The following RASGRF2 variants were observed in gnomAD, a reference collection of about 807,000 sequenced individuals.
The protein encoded by RASGRF2 is ras-specific guanine nucleotide-releasing factor 2.
In RASGRF2, 76 loss-of-function variants were observed where a neutral mutation model predicts 151.0. The ratio of observed to expected loss-of-function variants is 0.50; its 90% CI spans 0.42 to 0.61. The LOEUF (loss-of-function observed/expected upper bound fraction) is 0.61, where lower values mean the gene tolerates loss of function less well. Among genes scored for constraint, RASGRF2 ranks in the 20% least tolerant of loss-of-function variants. The pLI is 0.00. For synonymous variants in RASGRF2, 504 were observed against 566.5 expected (o/e 0.89, Z 1.57); for missense variants, 1,148 against 1,564.6 (o/e 0.73, Z 4.49).
intron 2 of RASGRF2, among the ~76,000 whole-genome samples, chr5:81,065,034 G>T (rs913392487): frequency 6.6e-6 from 1 of 152,122 alleles, no homozygotes; most frequent in Non-Finnish European, 1.5e-5. Context: ...TTCTACAGCA[G>T]CAAGGAAATG....
At chr5:81,213,934 G>T (rs1024239581) in intron 23 of RASGRF2, among the ~76,000 whole-genome samples, 1 of 152,174 alleles carries the variant, frequency 6.6e-6, no homozygotes, top group African/African-American at 2.4e-5. Context: ...ATAACGCGGG[G>T]ATTCCCTGCA....
intron 1 of RASGRF2, chr5:80,998,176 A>G (rs941785260): frequency 1.3e-5 from 2 of 152,238 alleles, no homozygotes; most frequent in Admixed American, 1.3e-4. Flanking sequence ...GGGTGTTCAC[A>G]TGTTGTGTGC....
intron 18 of RASGRF2, 114 bp from the exon 19 acceptor site, chr5:81,201,216 C>A (rs554465117): frequency 1.4e-6 from 2 of 1,445,926 alleles, no homozygotes; most frequent in East Asian, 2.4e-5. Context: ...AGGGTCCATA[C>A]ATTTTAATTT....
chr5:81,137,035 C>G (rs1753771251), intron 17 of RASGRF2, among the ~76,000 whole-genome samples: 1 of 152,008 alleles, frequency 6.6e-6, no homozygotes, highest in African/African-American at 2.4e-5. Flanking sequence ...CATTAGAACC[C>G]TTAACATATT....
intron 13 of RASGRF2, among the ~76,000 whole-genome samples, chr5:81,110,747 A>G (rs138206701): frequency 0.017 from 2,611 of 152,328 alleles, 35 homozygotes; most frequent in Non-Finnish European, 0.025. Flanking sequence ...CATCTTCTGG[A>G]CAGGGTGATG....
At chr5:81,156,301 T>A (rs1358681934) in intron 17 of RASGRF2, among the ~76,000 whole-genome samples, 1 of 152,206 alleles carries the variant, frequency 6.6e-6, no homozygotes. Context: ...ATAATGCTGA[T>A]CCTTCACAAA....
intron 25 of RASGRF2, among the ~76,000 whole-genome samples, chr5:81,218,354 T>A (rs1205701902): frequency 1.3e-5 from 2 of 152,228 alleles, no homozygotes; most frequent in Non-Finnish European, 2.9e-5. Flanking sequence ...GTCTTTAATC[T>A]ATCTTGAGTT....
intron 17 of RASGRF2, among the ~76,000 whole-genome samples, chr5:81,145,807 G>A (rs35064391): frequency 0.25 from 37,988 of 152,134 alleles, 5,350 homozygotes; most frequent in Middle Eastern, 0.36. Flanking sequence ...CTAAGCCTCC[G>A]AATTCTTGTC....
chr5:81,150,878 G>A (rs1440189031), intron 17 of RASGRF2, among the ~76,000 whole-genome samples: 1 of 152,148 alleles, frequency 6.6e-6, no homozygotes, highest in East Asian at 1.9e-4. Context: ...TGTGTATAAT[G>A]ACAGATCACT....
chr5:81,066,781 T>A (rs1385396137), intron 2 of RASGRF2, among the ~76,000 whole-genome samples: 1 of 152,228 alleles, frequency 6.6e-6, no homozygotes, highest in East Asian at 1.9e-4. Flanking sequence ...GAATCCCAGA[T>A]TCCAAGGGGA....
In RASGRF2 at chr5:81,035,541, A is replaced by G. The variant is rs572835143; in HGVS notation, c.289-7336A>G. 2.0e-5 allele frequency among the ~76,000 whole-genome samples: 3 copies of G among 152,128 alleles called. No homozygotes were observed. The East Asian group carries it at 5.8e-4, about 29-fold the overall frequency. On this transcript the variant is annotated intron_variant, in intron 1 of 26. Coordinates refer to ENST00000265080, the MANE Select transcript of RASGRF2 (RefSeq NM_006909.3). The stretch of plus-strand genomic sequence containing the variant: ...ACAAGTTAATGGGTGCAGCACACCA[A>G]CATGGCACATGTATACATATGTAAC...
intron 1 of RASGRF2, among the ~76,000 whole-genome samples, chr5:81,016,117 TG>T (rs978107718): frequency 3.9e-5 from 6 of 152,166 alleles, no homozygotes; most frequent in African/African-American, 1.4e-4. Context: ...ATGAGAGAGC[TG>T]GGAGTGGGGT....
At chr5:81,206,822 G>A (rs1004927427) in intron 19 of RASGRF2, 23 bp from the exon 20 acceptor site, 11 of 1,590,946 alleles carry the variant, frequency 6.9e-6, no homozygotes, top group Non-Finnish European at 6.9e-6. Context: ...CTTTCATGGA[G>A]GATAATTTGA....
At chr5:81,178,643 C>G (rs1183281798) in intron 17 of RASGRF2, among the ~76,000 whole-genome samples, 1 of 152,118 alleles carries the variant, frequency 6.6e-6, no homozygotes, top group African/African-American at 2.4e-5. Flanking sequence ...TTGGTAGGAC[C>G]TTAAATGGGA....
chr5:81,165,547 T>G (rs1185798828), intron 17 of RASGRF2, among the ~76,000 whole-genome samples: 1 of 152,242 alleles, frequency 6.6e-6, no homozygotes, highest in African/African-American at 2.4e-5. Context: ...GTAATCAGTA[T>G]GGATCATCAC....
At chr5:81,075,382 G>T (rs1038208465) in intron 5 of RASGRF2, among the ~76,000 whole-genome samples, 2 of 152,210 alleles carry the variant, frequency 1.3e-5, no homozygotes, top group African/African-American at 4.8e-5. Flanking sequence ...AGGGGCTGGA[G>T]GGAAGTTTTA....
In RASGRF2 at chr5:81,094,869, G is replaced by A. The variant is rs746846604; in HGVS notation, c.1632G>A (p.Gly544=). The A allele has an allele frequency of 2.6e-5, 42 of 1,602,788 alleles. No homozygotes were observed. The highest frequency in any genetic ancestry group is 3.3e-5 in the Non-Finnish European group (39 of 1,170,748). ...DASDDDSKGS[G]QVFGHLDFKI... is the part of the protein sequence containing the mutation. ...CATGTGTTCAAGCTAAAGGTTCTGG[G>A]CAAGTGTTTGGGCACCTGGATTTTA... The change falls in exon 12 of 27, where the codon GGG becomes GGA. Residue 544 remains glycine, a synonymous_variant. Transcript: ENST00000265080.
chr5:80,995,691 C>CG (rs1554083704), intron 1 of RASGRF2, among the ~76,000 whole-genome samples: 4 of 129,926 alleles, frequency 3.1e-5, no homozygotes, highest in African/African-American at 8.9e-5. Context: ...CCTTCCCCCC[C>CG]CCTTTTTTTT....
intron 18 of RASGRF2, among the ~76,000 whole-genome samples, chr5:81,183,926 A>G (rs925127163): frequency 3.3e-5 from 5 of 152,228 alleles, no homozygotes; most frequent in Non-Finnish European, 7.3e-5. Context: ...CCTTTTGGCT[A>G]TGGACAGGAG....
Sources: allele counts gnomAD v4.1 joint callset (sites outside exome capture counted in the v4.1 genomes callset), GRCh38; gene constraint gnomAD v4.1.1; transcripts MANE v1.5; gene names NCBI Gene and HGNC (gene_info 2026-07-23, HGNC 2026-07-21).